The following MACROD2 variants were observed in gnomAD, a reference collection of about 807,000 sequenced individuals.
MACROD2 encodes the protein ADP-ribose glycohydrolase MACROD2.
MACROD2 carries 36 observed loss-of-function variants against 70.4 expected under a neutral mutation model. The observed-to-expected ratio is 0.51, with a 90% confidence interval of 0.39 to 0.68. The LOEUF is 0.68. MACROD2 is among the 30% of genes least tolerant of loss of function. MACROD2 has a pLI of 0.00. For synonymous variants in MACROD2, 172 were observed against 178.8 expected, an observed-to-expected ratio of 0.96 and a Z score of 0.30; for missense variants, 496 against 538.4, an observed-to-expected ratio of 0.92 and a Z score of 0.78.
chr20:15,732,676 G>A (rs868091839), intron 8 of MACROD2, among the ~76,000 whole-genome samples: 4 of 151,558 alleles, frequency 2.6e-5, no homozygotes, highest in African/African-American at 7.3e-5. Context: ...GTATAATTTT[G>A]TAATACATCA....
rs938808511 is a variant in MACROD2 at position 14,019,572 on chromosome 20, T to C, written c.163+17168T>C. ...ACAGTTGTGAGCCACTGCGCCTAGC[T>C]GGGTAGTGTTTTTTTGAAAGTAGTT... On this transcript the variant is annotated intron_variant, in intron 2 of 17. Coordinates refer to ENST00000684519, the MANE Select transcript of MACROD2 (RefSeq NM_001351661.2). 3.9e-5 allele frequency among the ~76,000 whole-genome samples: 6 copies of C among 152,068 alleles called. No individual in the cohort carries two copies. In the East Asian group the frequency reaches 7.7e-4, roughly 20 times the overall value.
intron 3 of MACROD2, among the ~76,000 whole-genome samples, chr20:14,202,100 C>T (rs769558358): frequency 1.1e-4 from 16 of 151,948 alleles, no homozygotes; most frequent in East Asian, 3.8e-4. Flanking sequence ...TTCTTCTTTT[C>T]GTCATTTTAC....
chr20:15,618,872 T>C (rs1244786668), intron 8 of MACROD2, among the ~76,000 whole-genome samples: 1 of 152,206 alleles, frequency 6.6e-6, no homozygotes, highest in Non-Finnish European at 1.5e-5. Context: ...AGTTTTATTA[T>C]TCAAATCAGT....
At chr20:14,748,561 GCA>G (rs569816268) in intron 5 of MACROD2, among the ~76,000 whole-genome samples, 60 of 152,174 alleles carry the variant, frequency 3.9e-4, no homozygotes, top group African/African-American at 1.4e-3. Flanking sequence ...CTTAAGTAGT[GCA>G]CAGAGAAGAT....
chr20:15,101,368 A>C (rs1377346040), intron 5 of MACROD2, among the ~76,000 whole-genome samples: 1 of 151,902 alleles, frequency 6.6e-6, no homozygotes, highest in African/African-American at 2.4e-5. Context: ...GTTCATCTGC[A>C]GATCCTTCTA....
chr20:14,997,780 G>A (rs1318380258), intron 5 of MACROD2, among the ~76,000 whole-genome samples: 1 of 152,086 alleles, frequency 6.6e-6, no homozygotes, highest in Non-Finnish European at 1.5e-5. Flanking sequence ...GTCACCATGG[G>A]CCCTGGGCAA....
intron 8 of MACROD2, among the ~76,000 whole-genome samples, chr20:15,576,401 C>T (rs1341165689): frequency 6.6e-6 from 1 of 152,126 alleles, no homozygotes; most frequent in Non-Finnish European, 1.5e-5. Context: ...ATTTCACCTT[C>T]CTCTATCTCT....
At chr20:14,881,675 A>G (rs1006204986) in intron 5 of MACROD2, among the ~76,000 whole-genome samples, 1 of 152,058 alleles carries the variant, frequency 6.6e-6, no homozygotes, top group African/African-American at 2.4e-5. Context: ...TCCATACTCT[A>G]CAGTGGCATT....
intron 8 of MACROD2, among the ~76,000 whole-genome samples, chr20:15,581,513 T>C (rs1402945628): frequency 6.6e-6 from 1 of 152,208 alleles, no homozygotes; most frequent in Non-Finnish European, 1.5e-5. Context: ...TGTATCCTTA[T>C]ATGATGAATG....
chr20:15,643,422 A>G (rs2049492367), intron 8 of MACROD2, among the ~76,000 whole-genome samples: 3 of 152,264 alleles, frequency 2.0e-5, no homozygotes, highest in Middle Eastern at 3.4e-3. Context: ...GACCACTATA[A>G]TGTCCTCTCC....
chr20:14,771,666 CACACATAT>C (rs746464041), intron 5 of MACROD2, among the ~76,000 whole-genome samples: 1 of 133,430 alleles, frequency 7.5e-6, no homozygotes, highest in African/African-American at 2.8e-5. Context: ...CACACACACA[CACACATAT>C]ATATATATAT....
intron 3 of MACROD2, among the ~76,000 whole-genome samples, chr20:14,333,030 C>T (rs926286496): frequency 1.3e-5 from 2 of 151,928 alleles, no homozygotes; most frequent in South Asian, 2.1e-4. Context: ...TTAAATTTTC[C>T]ATGATCATCA....
At chr20:15,005,367 A>G (rs2075027498) in intron 5 of MACROD2, among the ~76,000 whole-genome samples, 1 of 152,202 alleles carries the variant, frequency 6.6e-6, no homozygotes, top group Admixed American at 6.5e-5. Context: ...GGAAACTTCC[A>G]AGTGTCCTCT....
At chr20:15,401,648 A>G (rs1259292880) in intron 6 of MACROD2, among the ~76,000 whole-genome samples, 1 of 152,240 alleles carries the variant, frequency 6.6e-6, no homozygotes, top group Non-Finnish European at 1.5e-5. Flanking sequence ...AGAGGATTAA[A>G]TTATTAAACA....
At chr20:15,392,726 C>T (rs988541709) in intron 6 of MACROD2, among the ~76,000 whole-genome samples, 4 of 152,122 alleles carry the variant, frequency 2.6e-5, no homozygotes, top group Non-Finnish European at 5.9e-5. Flanking sequence ...CTCTCTTCCA[C>T]TCTTCCTCCT....
intron 8 of MACROD2, among the ~76,000 whole-genome samples, chr20:15,762,043 A>G (rs915974270): frequency 2.0e-5 from 3 of 152,164 alleles, no homozygotes; most frequent in Non-Finnish European, 1.5e-5. Flanking sequence ...TATGATTTCT[A>G]TCTGAAGCAT....
intron 8 of MACROD2, among the ~76,000 whole-genome samples, chr20:15,818,321 A>C (rs1431123144): frequency 6.6e-6 from 1 of 152,168 alleles, no homozygotes; most frequent in Non-Finnish European, 1.5e-5. Context: ...CAAATTGTGA[A>C]TTATTCGTGA....
chr20:15,208,139 T>C (rs1041317977), intron 5 of MACROD2, among the ~76,000 whole-genome samples: 19 of 152,182 alleles, frequency 1.2e-4, no homozygotes, highest in African/African-American at 4.1e-4. Flanking sequence ...TTTTCCACTT[T>C]AAATAATTTC....
intron 5 of MACROD2, among the ~76,000 whole-genome samples, chr20:14,740,405 T>C (rs1466855795): frequency 1.3e-5 from 2 of 152,188 alleles, no homozygotes; most frequent in Admixed American, 1.3e-4. Context: ...CTGCTTGCAA[T>C]TGGAAAACAT....
Sources: gnomAD v4.1 joint callset for allele counts (sites outside exome capture counted in the v4.1 genomes callset) on GRCh38, gnomAD v4.1.1 for gene constraint, MANE v1.5 for transcripts, NCBI Gene and HGNC (gene_info 2026-07-23, HGNC 2026-07-21) for gene names.